Variants in CHRM3 observed in about 807,000 individuals in gnomAD.
The protein encoded by CHRM3 is muscarinic acetylcholine receptor M3.
A neutral mutation model predicts 41.8 loss-of-function variants in CHRM3; 11 were observed. The observed-to-expected ratio is 0.26, with a 90% CI of 0.17 to 0.44. The LOEUF is 0.44. CHRM3 is among the 20% of genes least tolerant of loss of function. CHRM3 has a pLI of 1.00. For synonymous variants in CHRM3, 297 were observed against 301.4 expected (o/e 0.99, Z 0.15); for missense variants, 571 against 745.4 (o/e 0.77, Z 2.72).
chr1:239,887,578 G>T (rs1358207472), intron 6 of CHRM3, among the ~76,000 whole-genome samples: 2 of 152,152 alleles, frequency 1.3e-5, no homozygotes, highest in Non-Finnish European at 2.9e-5. Context: ...GTTGGAATAA[G>T]TTACACCTGG....
At chr1:239,866,152 C>T (rs573646597) in intron 6 of CHRM3, among the ~76,000 whole-genome samples, 4 of 152,066 alleles carry the variant, frequency 2.6e-5, no homozygotes, top group Non-Finnish European at 4.4e-5. Context: ...CCGGGGCGGG[C>T]GGATCACAAG....
intron 3 of CHRM3, among the ~76,000 whole-genome samples, chr1:239,587,612 C>T (rs534128458): frequency 3.9e-5 from 6 of 152,246 alleles, no homozygotes; most frequent in East Asian, 3.9e-4. Flanking sequence ...ATCAAATTAC[C>T]GGTAGACACT....
At chr1:239,589,779 G>A (rs941432760) in intron 3 of CHRM3, among the ~76,000 whole-genome samples, 3 of 150,086 alleles carry the variant, frequency 2.0e-5, no homozygotes, top group African/African-American at 7.3e-5. Context: ...ACAGGTAGGA[G>A]GCTGTTGATA....
At chr1:239,422,781 G>A (rs1378557664) in intron 1 of CHRM3, among the ~76,000 whole-genome samples, 1 of 150,930 alleles carries the variant, frequency 6.6e-6, no homozygotes, top group African/African-American at 2.4e-5. Context: ...GGTGACAAGA[G>A]TGAGACTCTA....
chr1:239,567,133 T>C (rs1661427259), intron 3 of CHRM3, among the ~76,000 whole-genome samples: 1 of 152,150 alleles, frequency 6.6e-6, no homozygotes, highest in Non-Finnish European at 1.5e-5. Context: ...GTTTAAGAAT[T>C]ACTGTTATGG....
intron 6 of CHRM3, among the ~76,000 whole-genome samples, chr1:239,847,346 C>T (rs544962107): frequency 8.0e-4 from 122 of 152,090 alleles, no homozygotes; most frequent in Non-Finnish European, 1.3e-3. Flanking sequence ...TTTTATAGGC[C>T]ATAAGAATCT....
At chr1:239,674,882 T>A (rs919687986) in intron 4 of CHRM3, among the ~76,000 whole-genome samples, 1 of 152,098 alleles carries the variant, frequency 6.6e-6, no homozygotes, top group Non-Finnish European at 1.5e-5. Context: ...GTTGAAACGA[T>A]TTGGTGAATT....
At chr1:239,536,895 T>C (rs1658257960) in intron 2 of CHRM3, among the ~76,000 whole-genome samples, 1 of 152,218 alleles carries the variant, frequency 6.6e-6, no homozygotes, top group South Asian at 2.1e-4. Flanking sequence ...TTGCAACTGT[T>C]GATGTATACT....
At chr1:239,836,394 TTAACAGGCAGA>T (rs1673317457) in intron 6 of CHRM3, among the ~76,000 whole-genome samples, 2 of 152,212 alleles carry the variant, frequency 1.3e-5, no homozygotes, top group African/African-American at 4.8e-5. Flanking sequence ...TTGTTTTTTT[TTAACAGGCAGA>T]ATATAAATGT....
intron 6 of CHRM3, among the ~76,000 whole-genome samples, chr1:239,865,233 G>T (rs1354964201): frequency 6.6e-6 from 1 of 151,602 alleles, no homozygotes; most frequent in African/African-American, 2.4e-5. Flanking sequence ...ACATGTATAG[G>T]ATACTCCTGT....
At chr1:239,530,937 C>T (rs1670360948) in intron 2 of CHRM3, among the ~76,000 whole-genome samples, 1 of 152,050 alleles carries the variant, frequency 6.6e-6, no homozygotes, top group Non-Finnish European at 1.5e-5. Flanking sequence ...CAAAACATCC[C>T]AATTTTTGTG....
intron 1 of CHRM3, among the ~76,000 whole-genome samples, chr1:239,458,960 T>C (rs897330229): frequency 1.3e-5 from 2 of 152,204 alleles, no homozygotes; most frequent in African/African-American, 2.4e-5. Context: ...ACTCTCATTA[T>C]AATGAAATGG....
intron 5 of CHRM3, among the ~76,000 whole-genome samples, chr1:239,683,562 T>C (rs1268445513): frequency 3.3e-5 from 5 of 152,198 alleles, no homozygotes; most frequent in Non-Finnish European, 7.4e-5. Flanking sequence ...TTCTGCCATA[T>C]TAAGGAGATG....
At chr1:239,471,921 C>G (rs1666148796) in intron 1 of CHRM3, among the ~76,000 whole-genome samples, 2 of 152,170 alleles carry the variant, frequency 1.3e-5, no homozygotes, top group Non-Finnish European at 2.9e-5. Context: ...AAATCACACA[C>G]AGGTTATTAT....
At chr1:239,657,245 C>G (rs983946036) in intron 4 of CHRM3, among the ~76,000 whole-genome samples, 3 of 152,160 alleles carry the variant, frequency 2.0e-5, no homozygotes, top group Non-Finnish European at 4.4e-5. Context: ...TGAAGAGGAG[C>G]TGGAATACCC....
chr1:239,475,720 A>G (rs1666423150), intron 1 of CHRM3, among the ~76,000 whole-genome samples: 1 of 152,192 alleles, frequency 6.6e-6, no homozygotes, highest in Non-Finnish European at 1.5e-5. Flanking sequence ...GTAGAGGGAT[A>G]TGGAAACCTG....
At chr1:239,872,797 A>G (rs1676705847) in intron 6 of CHRM3, among the ~76,000 whole-genome samples, 1 of 152,192 alleles carries the variant, frequency 6.6e-6, no homozygotes, top group African/African-American at 2.4e-5. Context: ...ACATGCTGTG[A>G]TAGATGTCAT....
intron 6 of CHRM3, among the ~76,000 whole-genome samples, chr1:239,853,597 AT>A (rs1674873892): frequency 1.3e-5 from 2 of 152,164 alleles, no homozygotes; most frequent in African/African-American, 2.4e-5. Flanking sequence ...GAAGAAAAAA[AT>A]AAATACTCTT....
At chr1:239,773,123 T>C (rs1185104276) in intron 5 of CHRM3, among the ~76,000 whole-genome samples, 1 of 152,204 alleles carries the variant, frequency 6.6e-6, no homozygotes, top group African/African-American at 2.4e-5. Context: ...TACACTCATA[T>C]GTCAACAATT....
Sources: gnomAD v4.1 joint callset for allele counts (sites outside exome capture counted in the v4.1 genomes callset) on GRCh38, gnomAD v4.1.1 for gene constraint, MANE v1.5 for transcripts, NCBI Gene and HGNC (gene_info 2026-07-23, HGNC 2026-07-21) for gene names.